The following MTMR9 variants were observed in gnomAD, a reference collection of about 807,000 sequenced individuals.
MTMR9 encodes the protein myotubularin related protein 9.
In MTMR9, 39 loss-of-function variants were observed where a neutral mutation model predicts 69.5. That is an observed-to-expected ratio of 0.56 (90% confidence interval 0.43 to 0.73). The LOEUF is 0.73. Ranked by LOEUF, MTMR9 falls within the 30% of genes least tolerant of loss-of-function variation. The pLI is 0.00. For synonymous variants in MTMR9, 354 were observed against 240.8 expected, an observed-to-expected ratio of 1.47 and a Z score of -4.35; for missense variants, 900 against 671.2, an observed-to-expected ratio of 1.34 and a Z score of -3.77.
chr8:11,338,978 G>C, the MTMR9 span, among the ~76,000 whole-genome samples: 3 of 152,304 alleles, frequency 2.0e-5, no homozygotes, highest in Admixed American at 2.0e-4. Flanking sequence ...TGGGACTCCT[G>C]ATGCCACCAT....
chr8:11,331,912 G>T (rs574356744), downstream of MTMR9: 6 of 1,611,930 alleles, frequency 3.7e-6, no homozygotes, highest in African/African-American at 6.7e-5. Context: ...TCCTTCACAT[G>T]TGTGGGCTAT....
At chr8:11,291,671 C>T (rs77005491) in intron 1 of MTMR9, among the ~76,000 whole-genome samples, 4 of 151,890 alleles carry the variant, frequency 2.6e-5, no homozygotes, top group African/African-American at 7.2e-5. Flanking sequence ...TCTAGTCATT[C>T]ATTATACTTT....
intron 6 of MTMR9, 41 bp downstream of exon 6, chr8:11,309,729 G>A: frequency 6.3e-7 from 1 of 1,599,806 alleles, no homozygotes; most frequent in Non-Finnish European, 8.5e-7. Flanking sequence ...ACATGGCGCT[G>A]CTAACTAGAC....
intron 3 of MTMR9, 38 bp from the exon 4 acceptor site, chr8:11,304,803 G>T (rs1179785338): frequency 5.6e-6 from 9 of 1,596,530 alleles, no homozygotes; most frequent in South Asian, 1.1e-5. Flanking sequence ...GCGACATTGA[G>T]ATAGTTGCTT....
At chr8:11,313,341 C>A (rs1457957201) in intron 6 of MTMR9, among the ~76,000 whole-genome samples, 3 of 152,206 alleles carry the variant, frequency 2.0e-5, no homozygotes, top group Non-Finnish European at 4.4e-5. Context: ...TCTATCCAGA[C>A]CACTCGAACT....
At chr8:11,314,072 G>C (rs1337948438) in intron 6 of MTMR9, among the ~76,000 whole-genome samples, 1 of 152,210 alleles carries the variant, frequency 6.6e-6, no homozygotes, top group South Asian at 2.1e-4. Flanking sequence ...TACGAGTGTA[G>C]AATAAGAGTG....
At chr8:11,296,851 A>G (rs1356529988) in intron 2 of MTMR9, among the ~76,000 whole-genome samples, 1 of 152,124 alleles carries the variant, frequency 6.6e-6, no homozygotes, top group Non-Finnish European at 1.5e-5. Context: ...ATTTTCACGT[A>G]TCAATTAGCT....
Position 11,314,727 on chromosome 8 carries a change from C to A in MTMR9, c.972-196C>A, listed in dbSNP as rs534931539. Among the ~76,000 whole-genome samples the A allele has an allele frequency of 4.6e-5, 7 of 152,294 alleles. No homozygotes were observed. The South Asian group carries it at 1.4e-3, about 32-fold the overall frequency. Reference sequence around the variant, plus strand: ...TAGTCGTATTTTTTCCCAAGAGAATCTTATCTATCGTATGCCTTAGATTTA... The same window carrying A: ...TAGTCGTATTTTTTCCCAAGAGAATATTATCTATCGTATGCCTTAGATTTA... On this transcript the variant is annotated intron_variant, in intron 6 of 9. Coordinates refer to ENST00000221086, the MANE Select transcript of MTMR9 (RefSeq NM_015458.4).
downstream of MTMR9, among the ~76,000 whole-genome samples, chr8:11,328,993 C>T (rs1801073018): frequency 6.6e-6 from 1 of 152,186 alleles, no homozygotes; most frequent in African/African-American, 2.4e-5. Context: ...TCATTATTTG[C>T]ATATGGATAT....
At chr8:11,338,325 C>T in the MTMR9 span, among the ~76,000 whole-genome samples, 2 of 152,176 alleles carry the variant, frequency 1.3e-5, no homozygotes, top group African/African-American at 4.8e-5. Context: ...GTCTTCCCAT[C>T]ATAATAGCAA....
At chr8:11,308,001 C>G (rs1800030140) in intron 5 of MTMR9, among the ~76,000 whole-genome samples, 1 of 152,094 alleles carries the variant, frequency 6.6e-6, no homozygotes, top group Non-Finnish European at 1.5e-5. Context: ...TAGGTTGTCT[C>G]TTTACTCTGT....
Position 11,304,848 on chromosome 8 carries a change from A to C in MTMR9, c.425A>C (p.Glu142Ala), listed in dbSNP as rs751903514. ...GTATTTTGTGTTTTTCAGACCAGTG[A>C]ATGGAGGCTAAGCTATGTCAATAAG... ...EFELYSSATS[E>A]WRLSYVNKEF... Residue 142 changes from glutamate (E) to alanine (A), a missense_variant, in exon 4 of 10, where the codon GAA (glutamate) becomes GCA (alanine). Coordinates refer to ENST00000221086, the MANE Select transcript of MTMR9 (RefSeq NM_015458.4). The C allele has an allele frequency of 1.2e-5, 19 of 1,613,684 alleles. No homozygotes were observed. The highest frequency in any genetic ancestry group is 1.6e-5 in the Non-Finnish European group (19 of 1,179,848).
chr8:11,308,471 A>T lies in MTMR9; in HGVS notation c.810-1056A>T, dbSNP rs551004461. ...ATATTTTAAAATCAGGTACTGCGTG[A>T]GGCCATCAGGACCAGGGCTTTTCTT... On this transcript the variant is annotated intron_variant, in intron 5 of 9. Coordinates refer to ENST00000221086, the MANE Select transcript of MTMR9 (RefSeq NM_015458.4). Among the ~76,000 whole-genome samples the T allele has an allele frequency of 2.0e-5, 3 of 152,316 alleles. No individual in the cohort carries two copies. In the South Asian group the frequency reaches 6.2e-4, roughly 32 times the overall value.
rs191971281 is a variant in MTMR9 at position 11,306,113 on chromosome 8, A to T, written c.592-77A>T. 3,072 of 1,254,458 alleles carry T rather than the reference A, an allele frequency of 2.4e-3. 11 individuals carry two copies. The highest frequency in any genetic ancestry group is 9.1e-3 in the Middle Eastern group (34 of 3,740). 77.7% of individuals were successfully genotyped at this position (1,254,458 alleles called of 1,614,324 possible). ...CACAATTGTTTTTGAGATACTCTTA[A>T]TCTAGCTAATTTCTTTCTGTTTTCA... On this transcript the variant is annotated intron_variant, in intron 4 of 9. Transcript: ENST00000221086.
At chr8:11,296,340 C>T (rs1799562524) in intron 2 of MTMR9, among the ~76,000 whole-genome samples, 1 of 152,040 alleles carries the variant, frequency 6.6e-6, no homozygotes, top group African/African-American at 2.4e-5. Flanking sequence ...TAGCAGCTAC[C>T]ATTTGAGGGT....
intron 4 of MTMR9, 59 bp from the exon 5 acceptor site, chr8:11,306,131 T>C: frequency 6.9e-7 from 1 of 1,458,494 alleles, no homozygotes; most frequent in Non-Finnish European, 9.5e-7. Context: ...AATTTCTTTC[T>C]GTTTTCAGAA....
intron 4 of MTMR9, 48 bp from the exon 5 acceptor site, chr8:11,306,142 A>T: frequency 6.5e-7 from 1 of 1,542,042 alleles, no homozygotes; most frequent in Non-Finnish European, 8.9e-7. Context: ...GTTTTCAGAA[A>T]CTTTAAAAGC....
chr8:11,285,409 G>A (rs3824212), intron 1 of MTMR9: 132,499 of 212,656 alleles, frequency 0.62, 42,494 homozygotes, highest in East Asian at 0.88. Flanking sequence ...GGTATTGTCA[G>A]TCACCGTTCA....
downstream of MTMR9, among the ~76,000 whole-genome samples, chr8:11,330,432 T>A (rs1241910081): frequency 6.6e-6 from 1 of 152,160 alleles, no homozygotes; most frequent in Non-Finnish European, 1.5e-5. Context: ...CAACAGCTCA[T>A]TGAGAACGGG....
Sources: gnomAD v4.1 joint callset for allele counts (sites outside exome capture counted in the v4.1 genomes callset) on GRCh38, gnomAD v4.1.1 for gene constraint, MANE v1.5 for transcripts, NCBI Gene and HGNC (gene_info 2026-07-23, HGNC 2026-07-21) for gene names.